MTA1: variants seen among roughly 807,000 people sequenced by gnomAD.
MTA1 encodes the protein metastasis associated 1.
Under a neutral mutation model 97.0 loss-of-function variants are expected in MTA1, and 15 were observed. That is an observed-to-expected ratio of 0.15 (90% CI 0.10 to 0.24). The LOEUF is 0.24. Ranked by LOEUF, MTA1 falls within the 10% of genes least tolerant of loss-of-function variation. The pLI is 1.00. For missense variants in MTA1, 709 were observed against 1,015.1 expected (o/e 0.70, Z 4.10); for synonymous variants, 435 against 417.5 (o/e 1.04, Z -0.51).
rs781804095 is a variant in MTA1, at chr14:105,422,417, G to A, written c.28+2354G>A. Among the ~76,000 whole-genome samples, 1 of 152,110 alleles carries A rather than the reference G, an allele frequency of 6.6e-6. No individual in the cohort carries two copies. The highest frequency in any genetic ancestry group is 1.5e-5 in the Non-Finnish European group (1 of 68,020). ...GAGCAGCCTTTGTCCGTCTGTCGCC[G>A]GCTGCCTGGCACGGGCTCCATCTGG... On this transcript the variant is annotated intron_variant, in intron 1 of 20. Coordinates refer to ENST00000331320, the MANE Select transcript of MTA1 (RefSeq NM_004689.4). This position sits in a 1 kb window ranked among gnomAD's most constrained non-coding sequence, Gnocchi z 4.3.
At chr14:105,433,593 G>A (rs1555423827) in intron 1 of MTA1, among the ~76,000 whole-genome samples, 1 of 152,188 alleles carries the variant, frequency 6.6e-6, no homozygotes, top group Non-Finnish European at 1.5e-5. Flanking sequence ...GGAGTAGCGA[G>A]GCTGCTCACT....
In MTA1 at chr14:105,463,899, T is replaced by C. The variant is rs2083457788; in HGVS notation, c.1077-133T>C. On this transcript the variant is annotated intron_variant, in intron 12 of 20. Transcript: ENST00000331320. This position sits in a 1 kb window ranked among gnomAD's most constrained non-coding sequence, Gnocchi z 5.9. ...GGAACTGAAAGGGGAGAAAGGAAGA[T>C]CCCTGCCGAGGCCGAGGGGTGCGAG... 1 of 834,824 alleles carries C rather than the reference T, an allele frequency of 1.2e-6. No homozygotes were observed. Among genetic ancestry groups the C allele is most frequent in the Non-Finnish European group, 2.0e-6 (1 of 498,638 alleles). The allele number at this position is 834,824 out of a possible 1,614,324, so 51.7% of individuals were successfully genotyped here. A position where few individuals can be genotyped will look rare whatever the true frequency, so the allele number is the denominator to read the frequency against.
chr14:105,466,030 T>C (rs1555432698), intron 16 of MTA1: 3 of 227,244 alleles, frequency 1.3e-5, no homozygotes, highest in African/African-American at 7.1e-5. Flanking sequence ...GCTGGATGGT[T>C]GGTTCGCTGT....
Position 105,464,794 on chromosome 14 carries a change from A to T in MTA1, c.1465A>T (p.Ile489Phe). Residue 489 changes from isoleucine to phenylalanine, a missense_variant, in exon 15 of 21, where the codon ATC (isoleucine) becomes TTC (phenylalanine). Physicochemically the swap from Ile to Phe is conservative, Grantham distance 21. Transcript: ENST00000331320. ...TRIARRLCRE[I>F]LRPWHAARHP... ...GATCGCCCGGCGCCTGTGCCGTGAG[A>T]TCCTGCGCCCGTGGCACGCTGCGCG... 6.2e-7 allele frequency: 1 copy of T among 1,605,574 alleles called. No homozygotes were observed. The highest frequency in any genetic ancestry group is 8.5e-7 in the Non-Finnish European group (1 of 1,174,338).
chr14:105,424,548 T>G lies in MTA1; in HGVS notation c.28+4485T>G, dbSNP rs892782326. ...TCTCACTCTGTCACCCAGGCTGGAGTGCAGTGGCACAATCGCGGCTCACTG... is the reference window on the plus strand; with the variant it reads ...TCTCACTCTGTCACCCAGGCTGGAGGGCAGTGGCACAATCGCGGCTCACTG... On this transcript the variant is annotated intron_variant, in intron 1 of 20. Coordinates refer to ENST00000331320, the MANE Select transcript of MTA1 (RefSeq NM_004689.4). This position sits in a 1 kb window ranked among gnomAD's most constrained non-coding sequence, Gnocchi z 4.0. Among the ~76,000 whole-genome samples the G allele has an allele frequency of 1.3e-5, 2 of 150,344 alleles. No individual in the cohort carries two copies. The highest frequency in any genetic ancestry group is 3.2e-3 in the Middle Eastern group (1 of 308).
intron 1 of MTA1, among the ~76,000 whole-genome samples, chr14:105,427,361 T>C (rs1301494224): frequency 1.3e-5 from 2 of 152,160 alleles, no homozygotes; most frequent in Non-Finnish European, 1.5e-5. Context: ...ATTTGGGGGC[T>C]CTTGGTGATT....
In MTA1 at chr14:105,422,263, G is replaced by T. The variant is rs1220989940; in HGVS notation, c.28+2200G>T. Among the ~76,000 whole-genome samples, 4 of 152,142 alleles carry T rather than the reference G, an allele frequency of 2.6e-5. No individual in the cohort carries two copies. Among genetic ancestry groups the T allele is most frequent in the Non-Finnish European group, 5.9e-5 (4 of 68,018 alleles). The stretch of plus-strand genomic sequence containing the variant: ...AACCCTGGGTTCCGGCAGGACCCCG[G>T]CAGAGCCCTGTGGTCGCAGTGGGCT... On this transcript the variant is annotated intron_variant, in intron 1 of 20. Coordinates refer to ENST00000331320, the MANE Select transcript of MTA1 (RefSeq NM_004689.4). This position sits in a 1 kb window ranked among gnomAD's most constrained non-coding sequence, Gnocchi z 4.3.
At position 105,424,395 on chromosome 14, in the gene MTA1, G is replaced by A. The variant is rs1391020357; in HGVS notation, c.28+4332G>A. On this transcript the variant is annotated intron_variant, in intron 1 of 20. Coordinates refer to ENST00000331320, the MANE Select transcript of MTA1 (RefSeq NM_004689.4). The surrounding 1 kb of genome is among the most constrained non-coding windows in gnomAD (Gnocchi z 4.0). ...ATTTTTTTTTTTTTGTAGAGACGGG[G>A]TTTCACTGTGTTAGCCAGTATGGTC... Among the ~76,000 whole-genome samples, 1 of 151,808 alleles carries A rather than the reference G, an allele frequency of 6.6e-6. No individual in the cohort carries two copies. Among genetic ancestry groups the A allele is most frequent in the Admixed American group, 6.6e-5 (1 of 15,250 alleles).
chr14:105,440,097 G>A (rs1555425314), intron 2 of MTA1, among the ~76,000 whole-genome samples: 1 of 152,198 alleles, frequency 6.6e-6, no homozygotes, highest in Non-Finnish European at 1.5e-5. Flanking sequence ...GGCCAGGCCT[G>A]TTTGTTGGAG....
At chr14:105,429,976 C>T (rs1191727169) in intron 1 of MTA1, among the ~76,000 whole-genome samples, 6 of 151,730 alleles carry the variant, frequency 4.0e-5, no homozygotes, top group Admixed American at 3.9e-4. Context: ...AGGCTGGTCT[C>T]AAACTCCTGA....
rs2081870842 is a variant in MTA1, at chr14:105,422,369, G to A, written c.28+2306G>A. ...GATTCTTGAGCCCCCAGACAAGAAA[G>A]AGGAAGGTGTGCAGTGTCTCCTGAG... is the stretch of plus-strand genomic sequence containing the variant. On this transcript the variant is annotated intron_variant, in intron 1 of 20. Coordinates refer to ENST00000331320, the MANE Select transcript of MTA1 (RefSeq NM_004689.4). The surrounding 1 kb of genome is among the most constrained non-coding windows in gnomAD (Gnocchi z 4.3). Among the ~76,000 whole-genome samples the A allele has an allele frequency of 6.6e-6, 1 of 152,178 alleles. No individual in the cohort carries two copies. Among genetic ancestry groups the A allele is most frequent in the Non-Finnish European group, 1.5e-5 (1 of 68,026 alleles).
Position 105,463,756 on chromosome 14 carries a change from A to G in MTA1, c.1076+205A>G. The stretch of plus-strand genomic sequence containing the variant: ...TCTCTGTCGTCCTGGCCTCCTGGTC[A>G]GTAAGGGGGCATTGGGATTCCAGCC... On this transcript the variant is annotated intron_variant, in intron 12 of 20. Coordinates refer to ENST00000331320, the MANE Select transcript of MTA1 (RefSeq NM_004689.4). This position sits in a 1 kb window ranked among gnomAD's most constrained non-coding sequence, Gnocchi z 5.9. The G allele has an allele frequency of 1.6e-6, 1 of 622,576 alleles. No homozygotes were observed. Among genetic ancestry groups the G allele is most frequent in the Non-Finnish European group, 2.8e-6 (1 of 354,220 alleles). The allele number at this position is 622,576 out of a possible 1,614,324, so 38.6% of individuals were successfully genotyped here. A position where few individuals can be genotyped will look rare whatever the true frequency, so the allele number is the denominator to read the frequency against.
intron 10 of MTA1, among the ~76,000 whole-genome samples, chr14:105,461,951 G>A (rs1179744498): frequency 1.3e-5 from 2 of 152,198 alleles, no homozygotes; most frequent in Non-Finnish European, 2.9e-5. Flanking sequence ...AGAGGACGAG[G>A]GCTAGAAACA....
chr14:105,428,001 G>T lies in MTA1; in HGVS notation c.28+7938G>T, dbSNP rs587676817. Among the ~76,000 whole-genome samples the T allele has an allele frequency of 6.7e-5, 9 of 133,344 alleles. No individual in the cohort carries two copies. The South Asian group carries it at 2.4e-3, about 36-fold the overall frequency. 87.5% of individuals were successfully genotyped at this position (133,344 alleles called of 152,430 possible). ...CCACTGTACCCCAGCCTGGGCAACA[G>T]AGTGAGACTCTCTCAAAAAAAAAAA... On this transcript the variant is annotated intron_variant, in intron 1 of 20. Transcript: ENST00000331320.
At chr14:105,462,336 C>A (rs940574540) in intron 10 of MTA1, among the ~76,000 whole-genome samples, 23 of 152,130 alleles carry the variant, frequency 1.5e-4, no homozygotes, top group Admixed American at 1.4e-3. Context: ...TTTGGGAGGC[C>A]GAGGCAGGAG....
chr14:105,454,078 C>T, intron 6 of MTA1, 115 bp from the exon 7 acceptor site: 1 of 737,676 alleles, frequency 1.4e-6, no homozygotes, highest in Non-Finnish European at 2.3e-6. Context: ...CCCATGTCGC[C>T]CCACAAGAGC....
intron 7 of MTA1, among the ~76,000 whole-genome samples, chr14:105,455,879 C>G (rs2083128129): frequency 6.6e-6 from 1 of 152,148 alleles, no homozygotes; most frequent in African/African-American, 2.4e-5. Context: ...GGCCTCTGTG[C>G]TGAGGCCTGT....
intron 9 of MTA1, 147 bp from the exon 10 acceptor site, chr14:105,460,618 T>C: frequency 8.3e-7 from 1 of 1,197,700 alleles, no homozygotes; most frequent in Non-Finnish European, 1.1e-6. Context: ...CACCCCAAAC[T>C]CGGCCAGACT....
At chr14:105,439,822 G>A (rs587754553) in intron 2 of MTA1, among the ~76,000 whole-genome samples, 4 of 152,288 alleles carry the variant, frequency 2.6e-5, no homozygotes, top group African/African-American at 9.6e-5. Context: ...GGCCCTTGGT[G>A]TTCCATCTGG....
Sources: gnomAD v4.1 joint callset for allele counts (sites outside exome capture counted in the v4.1 genomes callset) on GRCh38, gnomAD v4.1.1 for gene constraint, Gnocchi (gnomAD v3.1) non-coding constraint, MANE v1.5 for transcripts, NCBI Gene and HGNC (gene_info 2026-07-23, HGNC 2026-07-21) for gene names.